C12orf50: variants seen among roughly 807,000 people sequenced by gnomAD.
C12orf50 encodes the protein zinc finger CCCH-type containing 11D.
A neutral mutation model predicts 61.6 loss-of-function variants in C12orf50; 35 were observed. That is an observed-to-expected ratio of 0.57 (90% confidence interval 0.43 to 0.75). C12orf50 has a LOEUF of 0.75. Among genes scored for constraint, C12orf50 ranks in the 30% least tolerant of loss-of-function variants. The pLI is 0.00. For synonymous variants in C12orf50, 178 were observed against 161.5 expected (o/e 1.10, Z -0.77); for missense variants, 475 against 488.5 (o/e 0.97, Z 0.26).
chr12:87,994,474 T>C (rs1478795684), intron 7 of C12orf50, among the ~76,000 whole-genome samples, 159 bp downstream of exon 7: 1 of 152,116 alleles, frequency 6.6e-6, no homozygotes, highest in Non-Finnish European at 1.5e-5. Flanking sequence ...TTGGCAGAGA[T>C]TTTGGTCTCT....
At chr12:88,019,285 C>T (rs2032426243) in intron 3 of C12orf50, among the ~76,000 whole-genome samples, 1 of 152,184 alleles carries the variant, frequency 6.6e-6, no homozygotes, top group African/African-American at 2.4e-5. Context: ...CACAAACTCT[C>T]TTTCTTTGCT....
chr12:87,989,409 G>C (rs2031013016), intron 7 of C12orf50, 38 bp from the exon 8 acceptor site: 1 of 1,447,950 alleles, frequency 6.9e-7, no homozygotes. Flanking sequence ...AACAATGGCA[G>C]AAAGTGATAC....
rs747255356 is a variant in C12orf50 at position 87,996,621 on chromosome 12, G to A, written c.315C>T (p.Thr105=). The change falls in exon 5 of 13, where the codon ACC becomes ACT. Residue 105 remains threonine (T), a synonymous_variant. Transcript: ENST00000298699. ...CTCTTTTTTCTTCAATTTCTTCAGG[G>A]GTCTTTGTCCATAAACTAGAAGCAT... ...QNDASSLWTK[T]PEEIEEKRAI... 5 of 1,609,266 alleles carry A rather than the reference G, an allele frequency of 3.1e-6. No individual in the cohort carries two copies. The highest frequency in any genetic ancestry group is 4.3e-6 in the Non-Finnish European group (5 of 1,176,446).
At chr12:88,020,849 C>A (rs2032491050) in intron 3 of C12orf50, among the ~76,000 whole-genome samples, 1 of 151,226 alleles carries the variant, frequency 6.6e-6, no homozygotes, top group Non-Finnish European at 1.5e-5. Context: ...CCTCAGGCCA[C>A]AGCACAATAA....
chr12:87,994,429 G>A (rs2031287069), intron 7 of C12orf50, among the ~76,000 whole-genome samples: 1 of 151,892 alleles, frequency 6.6e-6, no homozygotes, highest in Non-Finnish European at 1.5e-5. Flanking sequence ...AAAATGGAAT[G>A]TCTTATACAC....
intron 3 of C12orf50, among the ~76,000 whole-genome samples, chr12:88,015,626 C>T (rs1039156134): frequency 6.6e-6 from 1 of 152,124 alleles, no homozygotes; most frequent in African/African-American, 2.4e-5. Context: ...CTAGTGCATA[C>T]CATAGGAGAA....
intron 3 of C12orf50, among the ~76,000 whole-genome samples, chr12:88,023,394 G>A (rs904253909): frequency 2.0e-5 from 3 of 151,814 alleles, no homozygotes; most frequent in African/African-American, 4.8e-5. Flanking sequence ...GGCCAGGCAC[G>A]GTGGCTCATG....
rs999084392 is a variant in C12orf50, at chr12:87,983,120, C to A, written c.1202G>T (p.Ser401Ile). 3 of 1,588,322 alleles carry A rather than the reference C, an allele frequency of 1.9e-6. No homozygotes were observed. Among genetic ancestry groups the A allele is most frequent in the Admixed American group, 3.4e-5 (2 of 59,292 alleles). The change falls in exon 12 of 13, where the codon AGT (serine) becomes ATT (isoleucine). Residue 401 changes from serine (S) to isoleucine (I), a missense_variant. Coordinates refer to ENST00000298699, the MANE Select transcript of C12orf50 (RefSeq NM_152589.3). Reference protein sequence around the residue: ...RIPFSKTYSKSEKIYPEPRRN... With the variant: ...RIPFSKTYSKIEKIYPEPRRN... ...ATAGTTACCTGGATATATCTTTTCACTTTTTGAATATGTTTTTGAAAAAGG... is the reference window on the plus strand; with the variant it reads ...ATAGTTACCTGGATATATCTTTTCAATTTTTGAATATGTTTTTGAAAAAGG...
At chr12:87,992,286 T>C (rs2031161392) in intron 7 of C12orf50, among the ~76,000 whole-genome samples, 1 of 152,198 alleles carries the variant, frequency 6.6e-6, no homozygotes, top group African/African-American at 2.4e-5. Context: ...GTGTACATAG[T>C]TCCCCGAGGA....
chr12:88,023,500 TAAA>T (rs36117349), intron 3 of C12orf50, among the ~76,000 whole-genome samples: 1 of 133,896 alleles, frequency 7.5e-6, no homozygotes. Flanking sequence ...TCGTCTCTAC[TAAA>T]AAAAAAAAAA....
Position 87,994,715 on chromosome 12 carries a change from A to T in C12orf50, c.510T>A (p.Leu170=), listed in dbSNP as rs757177217. ...TTTCACCTTGCCTTTCATATTGGCT[A>T]AGTTTTGTCGGAACTGTAAGACTAT... ...EGDSLTVPTK[L]SQYERQGEIK... is the part of the protein sequence containing the mutation. Residue 170 remains leucine, a synonymous_variant, in exon 7 of 13, where the codon CTT becomes CTA. Transcript: ENST00000298699. 2.2e-5 allele frequency: 36 copies of T among 1,612,952 alleles called. No homozygotes were observed. In the East Asian group the frequency reaches 7.8e-4, roughly 35 times the overall value.
intron 3 of C12orf50, among the ~76,000 whole-genome samples, chr12:88,007,710 T>G (rs981830855): frequency 1.3e-5 from 2 of 152,208 alleles, no homozygotes; most frequent in African/African-American, 4.8e-5. Context: ...ATATATACCT[T>G]TTTTTGTTTT....
chr12:88,026,380 A>G, intron 3 of C12orf50, 108 bp downstream of exon 3: 1 of 1,282,232 alleles, frequency 7.8e-7, no homozygotes, highest in South Asian at 1.6e-5. Flanking sequence ...TTGGCTATTA[A>G]ATTGCATTGC....
intron 3 of C12orf50, among the ~76,000 whole-genome samples, chr12:88,025,618 A>C (rs2032673344): frequency 6.6e-6 from 1 of 152,154 alleles, no homozygotes; most frequent in Non-Finnish European, 1.5e-5. Context: ...GCGTGCCTGT[A>C]GTCCCAGCTA....
chr12:87,991,306 G>A (rs1311213066), intron 7 of C12orf50, among the ~76,000 whole-genome samples: 3 of 152,070 alleles, frequency 2.0e-5, no homozygotes, highest in Non-Finnish European at 4.4e-5. Flanking sequence ...GGCATAGTAA[G>A]ACAGGACAAT....
intron 3 of C12orf50, among the ~76,000 whole-genome samples, chr12:88,019,934 C>A (rs2032454637): frequency 6.6e-6 from 1 of 152,096 alleles, no homozygotes; most frequent in South Asian, 2.1e-4. Context: ...CACATCCAGG[C>A]AAACTAAACT....
chr12:88,029,072 T>C (rs769097207), intron 1 of C12orf50: 24 of 1,285,328 alleles, frequency 1.9e-5, no homozygotes, highest in South Asian at 7.5e-5. Context: ...TTTACCTTTA[T>C]GCATGTGGAA....
At chr12:88,010,251 G>A (rs989110623) in intron 3 of C12orf50, among the ~76,000 whole-genome samples, 1 of 151,896 alleles carries the variant, frequency 6.6e-6, no homozygotes, top group Non-Finnish European at 1.5e-5. Flanking sequence ...GGTTGAACAA[G>A]TTCTATTATT....
chr12:87,987,530 T>C (rs551267257), intron 9 of C12orf50, among the ~76,000 whole-genome samples: 1 of 152,160 alleles, frequency 6.6e-6, no homozygotes, highest in Admixed American at 6.6e-5. Context: ...ATCCAAAACA[T>C]AATAAAAAGC....
Sources: gnomAD v4.1 joint callset for allele counts (sites outside exome capture counted in the v4.1 genomes callset) on GRCh38, gnomAD v4.1.1 for gene constraint, MANE v1.5 for transcripts, NCBI Gene and HGNC (gene_info 2026-07-23, HGNC 2026-07-21) for gene names.